The following SLC2A13 variants were observed in gnomAD, a reference collection of about 807,000 sequenced individuals.
The protein encoded by SLC2A13 is solute carrier family 2 member 13, also known as proton myo-inositol cotransporter.
A neutral mutation model predicts 64.4 loss-of-function variants in SLC2A13; 32 were observed. The ratio of observed to expected loss-of-function variants is 0.50; its 90% CI spans 0.37 to 0.67. SLC2A13 has a LOEUF of 0.67. Ranked by LOEUF, SLC2A13 falls within the 30% of genes least tolerant of loss-of-function variation. The pLI, the probability that SLC2A13 is intolerant of heterozygous loss-of-function variation, is 0.00. For missense variants in SLC2A13, 743 were observed against 829.2 expected (o/e 0.90, Z 1.28); for synonymous variants, 338 against 327.1 (o/e 1.03, Z -0.36).
intron 3 of SLC2A13, among the ~76,000 whole-genome samples, chr12:40,022,916 A>C (rs1210174568): frequency 6.6e-6 from 1 of 151,596 alleles, no homozygotes; most frequent in Admixed American, 6.6e-5. Flanking sequence ...ATTTTCTTTT[A>C]GGGGAAAAAA....
At chr12:39,986,765 A>C (rs1486320915) in intron 3 of SLC2A13, among the ~76,000 whole-genome samples, 1 of 151,812 alleles carries the variant, frequency 6.6e-6, no homozygotes, top group Non-Finnish European at 1.5e-5. Flanking sequence ...GATCAAACCG[A>C]CCAATTTCAA....
chr12:39,813,342 G>A (rs1035483229), intron 7 of SLC2A13, among the ~76,000 whole-genome samples: 2 of 151,946 alleles, frequency 1.3e-5, no homozygotes, highest in African/African-American at 2.4e-5. Context: ...TTCAAAAGTA[G>A]AGAGTATAGT....
intron 4 of SLC2A13, among the ~76,000 whole-genome samples, chr12:39,917,986 GAAACA>G (rs1489332804): frequency 1.3e-5 from 2 of 152,066 alleles, no homozygotes; most frequent in South Asian, 2.1e-4. Context: ...TAACAAAAAT[GAAACA>G]AAACAAAACT....
chr12:40,056,380 T>C (rs1948333937), intron 1 of SLC2A13, among the ~76,000 whole-genome samples: 1 of 152,166 alleles, frequency 6.6e-6, no homozygotes. Flanking sequence ...AAGAAATTGA[T>C]ATTCAAGAAA....
At chr12:39,838,099 C>T (rs1943069184) in intron 6 of SLC2A13, among the ~76,000 whole-genome samples, 2 of 147,618 alleles carry the variant, frequency 1.4e-5, no homozygotes, top group African/African-American at 2.6e-5. Context: ...CCCAAATGTC[C>T]AACAATCATA....
chr12:40,023,585 T>C (rs1436065472), intron 3 of SLC2A13, among the ~76,000 whole-genome samples: 1 of 152,258 alleles, frequency 6.6e-6, no homozygotes, highest in Admixed American at 6.5e-5. Context: ...CTTCTGTTGG[T>C]TGATTTTACT....
chr12:39,833,182 T>A (rs1942906254), intron 6 of SLC2A13, among the ~76,000 whole-genome samples: 1 of 152,158 alleles, frequency 6.6e-6, no homozygotes, highest in Admixed American at 6.6e-5. Flanking sequence ...ATTTCTTTAC[T>A]TATTGTTTAT....
chr12:39,973,650 C>T (rs1464471038), intron 3 of SLC2A13, among the ~76,000 whole-genome samples: 1 of 152,186 alleles, frequency 6.6e-6, no homozygotes, highest in Non-Finnish European at 1.5e-5. Flanking sequence ...CAGCATTCCC[C>T]CCTTCATGAA....
intron 7 of SLC2A13, among the ~76,000 whole-genome samples, chr12:39,799,261 T>C (rs982511086): frequency 0.017 from 31 of 1,866 alleles, no homozygotes; most frequent in Non-Finnish European, 0.088. Context: ...AGCCTTTTTT[T>C]TTTTTTTTTT....
chr12:40,089,717 C>T (rs548630525), intron 1 of SLC2A13, among the ~76,000 whole-genome samples: 6 of 152,138 alleles, frequency 3.9e-5, no homozygotes, highest in African/African-American at 1.4e-4. Context: ...GGCAATAATG[C>T]AAATATATTT....
At chr12:39,888,124 C>T (rs1944514603) in intron 4 of SLC2A13, among the ~76,000 whole-genome samples, 1 of 152,208 alleles carries the variant, frequency 6.6e-6, no homozygotes, top group Non-Finnish European at 1.5e-5. Context: ...AGTAACAGTG[C>T]CATCTGGGCA....
intron 9 of SLC2A13, among the ~76,000 whole-genome samples, 184 bp from the exon 10 acceptor site, chr12:39,760,436 T>C (rs546923764): frequency 2.0e-5 from 3 of 152,074 alleles, no homozygotes; most frequent in Non-Finnish European, 4.4e-5. Flanking sequence ...TATGATGTAA[T>C]GTATCTTTCT....
In SLC2A13 at chr12:40,074,223, G is replaced by A. The variant is rs975733162; in HGVS notation, c.557-26013C>T. On this transcript the variant is annotated intron_variant, in intron 1 of 9. Coordinates refer to ENST00000280871, the MANE Select transcript of SLC2A13 (RefSeq NM_052885.4). The stretch of plus-strand genomic sequence containing the variant: ...CTCTGTCACCCAGGCTAGAGGACAT[G>A]GGTGTGATCACAGCTCACAGCAGAC... 2.7e-5 allele frequency among the ~76,000 whole-genome samples: 4 copies of A among 150,458 alleles called. No individual in the cohort carries two copies. The East Asian group carries it at 7.8e-4, about 29-fold the overall frequency.
At chr12:39,910,375 T>G (rs1056928171) in intron 4 of SLC2A13, among the ~76,000 whole-genome samples, 1 of 152,116 alleles carries the variant, frequency 6.6e-6, no homozygotes, top group Non-Finnish European at 1.5e-5. Context: ...AAGTTAATAC[T>G]TGGAGAAAAG....
intron 1 of SLC2A13, among the ~76,000 whole-genome samples, chr12:40,089,934 G>C (rs577602738): frequency 6.6e-6 from 1 of 152,032 alleles, no homozygotes; most frequent in Non-Finnish European, 1.5e-5. Flanking sequence ...TTGCACCCCA[G>C]TAGAGACCTT....
At chr12:39,971,146 G>T (rs997885610) in intron 3 of SLC2A13, among the ~76,000 whole-genome samples, 3 of 150,132 alleles carry the variant, frequency 2.0e-5, no homozygotes, top group Non-Finnish European at 4.4e-5. Context: ...TTACATTTTT[G>T]AATGTATCTT....
chr12:39,973,344 T>C (rs1330903689), intron 3 of SLC2A13, among the ~76,000 whole-genome samples: 1 of 152,218 alleles, frequency 6.6e-6, no homozygotes, highest in East Asian at 1.9e-4. Context: ...TACTTCTGTA[T>C]CATTGGAAGC....
At chr12:39,981,496 C>T (rs1183108807) in intron 3 of SLC2A13, among the ~76,000 whole-genome samples, 3 of 149,542 alleles carry the variant, frequency 2.0e-5, no homozygotes, top group African/African-American at 4.9e-5. Flanking sequence ...AAGGGGATAT[C>T]ACCACCGATC....
At chr12:39,896,229 C>T (rs139776185) in intron 4 of SLC2A13, among the ~76,000 whole-genome samples, 12 of 126,472 alleles carry the variant, frequency 9.5e-5, no homozygotes, top group Admixed American at 5.7e-4. Flanking sequence ...TACATATATG[C>T]ATATGTGTAT....
Sources: gnomAD v4.1 joint callset for allele counts (sites outside exome capture counted in the v4.1 genomes callset) on GRCh38, gnomAD v4.1.1 for gene constraint, MANE v1.5 for transcripts, NCBI Gene and HGNC (gene_info 2026-07-23, HGNC 2026-07-21) for gene names.